The following YTHDC1 variants were observed in gnomAD, a reference collection of about 807,000 sequenced individuals.
YTHDC1 encodes the protein YTH N6-methyladenosine RNA binding protein C1.
YTHDC1 carries 12 observed loss-of-function variants against 107.0 expected under a neutral mutation model. The observed-to-expected ratio is 0.11, with a 90% CI of 0.07 to 0.18. The LOEUF is 0.18. YTHDC1 is among the 10% of genes least tolerant of loss of function. The probability of loss-of-function intolerance (pLI) is 1.00; values close to 1 mark genes in which losing one functional copy is unlikely to be tolerated. For synonymous variants in YTHDC1, 280 were observed against 289.5 expected (o/e 0.97, Z 0.33); for missense variants, 635 against 898.8 (o/e 0.71, Z 3.75).
In YTHDC1 at chr4:68,337,915, GT is replaced by G; in HGVS notation, c.131-16del. The stretch of plus-strand genomic sequence containing the variant: ...TCTTTTTGATCCTTTAAAATACAAT[GT>G]AAAAAAAAAAAAAAGAAGTATTTGT... On this transcript the variant is annotated splice_polypyrimidine_tract_variant and intron_variant, in intron 2 of 16. Transcript: ENST00000344157. The G allele has an allele frequency of 2.6e-6, 4 of 1,567,192 alleles. No individual in the cohort carries two copies. Among genetic ancestry groups the G allele is most frequent in the East Asian group, 2.3e-5 (1 of 43,988 alleles).
In YTHDC1 at chr4:68,338,272, C is replaced by T. The variant is rs1333613813; in HGVS notation, c.130+11G>A. On this transcript the variant is annotated intron_variant, in intron 2 of 16. Coordinates refer to ENST00000344157, the MANE Select transcript of YTHDC1 (RefSeq NM_001031732.4). Reference sequence around the variant, plus strand: ...TGTTATTTCAACAAAAATAATAGAACTCTTACATACCCTTTTTCTCATTTT... The same window carrying T: ...TGTTATTTCAACAAAAATAATAGAATTCTTACATACCCTTTTTCTCATTTT... 2.1e-5 allele frequency: 34 copies of T among 1,586,424 alleles called. No homozygotes were observed. The highest frequency in any genetic ancestry group is 5.7e-5 in the South Asian group (5 of 87,642).
intron 6 of YTHDC1, among the ~76,000 whole-genome samples, chr4:68,332,427 A>T (rs1239331564): frequency 6.6e-6 from 1 of 152,172 alleles, no homozygotes; most frequent in Non-Finnish European, 1.5e-5. Context: ...CGATATATCA[A>T]ATCCATATTT....
intron 12 of YTHDC1, among the ~76,000 whole-genome samples, chr4:68,319,707 C>T (rs1038119690): frequency 1.3e-5 from 2 of 152,044 alleles, no homozygotes; most frequent in African/African-American, 4.8e-5. Flanking sequence ...TTTCCCATTC[C>T]TCTCCAAAGA....
Position 68,349,907 on chromosome 4 carries a change from G to A in YTHDC1, c.-154C>T. 1 of 991,504 alleles carries A rather than the reference G, an allele frequency of 1.0e-6. No individual in the cohort carries two copies. Among genetic ancestry groups the A allele is most frequent in the Non-Finnish European group, 1.5e-6 (1 of 657,886 alleles). The allele number at this position is 991,504 out of a possible 1,614,324, so 61.4% of individuals were successfully genotyped here. On this transcript the variant is annotated 5_prime_UTR_variant, in exon 1 of 17. Coordinates refer to ENST00000344157, the MANE Select transcript of YTHDC1 (RefSeq NM_001031732.4). ...TGGCCTCTTAACACTCAGCCTTCTC[G>A]ACTCTTCCCGCTTTTTCCCTTTCTC...
chr4:68,328,520 G>GT lies in YTHDC1; in HGVS notation c.1349+1481dup, dbSNP rs1723229646. On this transcript the variant is annotated intron_variant, in intron 9 of 16. Transcript: ENST00000344157. ...CACTGCATTCCAATACCATAATTAT[G>GT]TATTTTTTCATTTGTTATACCTTTC... Among the ~76,000 whole-genome samples, 4 of 152,100 alleles carry GT rather than the reference G, an allele frequency of 2.6e-5. No homozygotes were observed. The South Asian group carries it at 8.3e-4, about 31-fold the overall frequency.
chr4:68,319,828 A>T (rs1290232971), intron 12 of YTHDC1, among the ~76,000 whole-genome samples: 1 of 152,170 alleles, frequency 6.6e-6, no homozygotes, highest in African/African-American at 2.4e-5. Context: ...ATTGCTTTTC[A>T]TAACTACTTT....
At position 68,350,006 on chromosome 4, in the gene YTHDC1, G is replaced by T. The variant is rs1397200770; in HGVS notation, c.-253C>A. 1.2e-5 allele frequency: 7 copies of T among 580,306 alleles called. No individual in the cohort carries two copies. In the East Asian group the frequency reaches 2.1e-4, roughly 17 times the overall value. 35.9% of individuals were successfully genotyped at this position (580,306 alleles called of 1,614,324 possible). A position where few individuals can be genotyped will look rare whatever the true frequency, so the allele number is the denominator to read the frequency against. On this transcript the variant is annotated 5_prime_UTR_variant, in exon 1 of 17. Coordinates refer to ENST00000344157, the MANE Select transcript of YTHDC1 (RefSeq NM_001031732.4). Reference sequence around the variant, plus strand: ...AGGGCTCAGACTCGGGCTAGGTATGGGGGAGGGAAGGGAAACAGATGGCGA... The same window carrying T: ...AGGGCTCAGACTCGGGCTAGGTATGTGGGAGGGAAGGGAAACAGATGGCGA...
At chr4:68,347,587 T>C (rs934327534) in intron 1 of YTHDC1, among the ~76,000 whole-genome samples, 4 of 152,342 alleles carry the variant, frequency 2.6e-5, no homozygotes, top group South Asian at 2.1e-4. Flanking sequence ...CTGTGATTAA[T>C]ATAATTGCCA....
At chr4:68,343,777 A>G (rs1341077247) in intron 1 of YTHDC1, among the ~76,000 whole-genome samples, 1 of 152,168 alleles carries the variant, frequency 6.6e-6, no homozygotes, top group Non-Finnish European at 1.5e-5. Context: ...ACCTCAGGTT[A>G]AAATCTATAA....
chr4:68,313,294 T>C lies in YTHDC1; in HGVS notation c.*805A>G, dbSNP rs530679184. 2.6e-5 allele frequency: 4 copies of C among 152,674 alleles called. No individual in the cohort carries two copies. Among genetic ancestry groups the C allele is most frequent in the South Asian group, 2.1e-4 (1 of 4,824 alleles). The allele number at this position is 152,674 out of a possible 1,614,324, so 9.5% of individuals were successfully genotyped here. A position where few individuals can be genotyped will look rare whatever the true frequency, so the allele number is the denominator to read the frequency against. On this transcript the variant is annotated 3_prime_UTR_variant, in exon 17 of 17. Transcript: ENST00000344157. ...ATTGCATAATAAAACAAACCTGCAA[T>C]TGGATAAGAAAAAGATACAAAAGAT... is the stretch of plus-strand genomic sequence containing the variant.
At chr4:68,320,526 T>C (rs2109687292) in intron 11 of YTHDC1, among the ~76,000 whole-genome samples, 1 of 152,164 alleles carries the variant, frequency 6.6e-6, no homozygotes, top group Non-Finnish European at 1.5e-5. Flanking sequence ...ATTCTCAAAC[T>C]AAATATCAGT....
intron 12 of YTHDC1, 152 bp downstream of exon 12, chr4:68,319,971 A>G (rs919783354): frequency 3.1e-6 from 2 of 647,816 alleles, no homozygotes; most frequent in Non-Finnish European, 5.2e-6. Flanking sequence ...AATTACACTA[A>G]TGAGAACTAC....
intron 4 of YTHDC1, among the ~76,000 whole-genome samples, chr4:68,335,110 TATCA>T (rs373909701): frequency 2.1e-3 from 316 of 152,282 alleles, no homozygotes; most frequent in African/African-American, 7.0e-3. Context: ...AATAAACTGT[TATCA>T]ATCAGTCTGT....
At chr4:68,348,167 T>C (rs11727878) in intron 1 of YTHDC1, among the ~76,000 whole-genome samples, 77,448 of 151,970 alleles carry the variant, frequency 0.51, 19,962 homozygotes, top group South Asian at 0.62. Flanking sequence ...TAAAATCATC[T>C]ACTTTTCTTC....
rs1464869010 is a variant in YTHDC1 at position 68,337,361 on chromosome 4, A to G, written c.549T>C (p.His183=). 2.5e-6 allele frequency: 4 copies of G among 1,614,078 alleles called. No homozygotes were observed. The South Asian group carries it at 4.4e-5, about 18-fold the overall frequency. The change falls in exon 4 of 17, where the codon CAT becomes CAC. Residue 183 remains histidine (H), a synonymous_variant. Transcript: ENST00000344157. ...CAGAAGAACCACTGCTGCCAGTCTCATGGTCAGAGCCATATTCTTCAGAGT... is the reference window on the plus strand; with the variant it reads ...CAGAAGAACCACTGCTGCCAGTCTCGTGGTCAGAGCCATATTCTTCAGAGT... ...EVNSEEYGSD[H]ETGSSGSSDE... is the part of the protein sequence containing the mutation.
intron 8 of YTHDC1, 38 bp downstream of exon 8, chr4:68,330,160 ATAAT>A (rs1723422649): frequency 1.3e-6 from 2 of 1,576,696 alleles, no homozygotes; most frequent in African/African-American, 1.4e-5. Context: ...AGATGCTAAT[ATAAT>A]TAATGTTTTT....
rs1477431545 is a variant in YTHDC1, at chr4:68,337,852, T to C, written c.179A>G (p.Gln60Arg). 2.5e-6 allele frequency: 4 copies of C among 1,613,938 alleles called. No homozygotes were observed. In the South Asian group the frequency reaches 4.4e-5, roughly 18 times the overall value. ...TTGTCTAGAATGGACAGAAGGCTTTTGTCGTTTGGTATCAGTAGATTCCAT... is the reference window on the plus strand; with the variant it reads ...TTGTCTAGAATGGACAGAAGGCTTTCGTCGTTTGGTATCAGTAGATTCCAT... ...DRMESTDTKR[Q>R]KPSVHSRQLV... Residue 60 changes from glutamine (Q) to arginine (R), a missense_variant, in exon 3 of 17, where the codon CAA becomes CGA. Transcript: ENST00000344157.
At chr4:68,320,812 T>C (rs951285488) in intron 11 of YTHDC1, among the ~76,000 whole-genome samples, 4 of 152,134 alleles carry the variant, frequency 2.6e-5, no homozygotes, top group Non-Finnish European at 5.9e-5. Flanking sequence ...AAAAAACTAT[T>C]TCTTAATAAT....
At chr4:68,349,532 T>A (rs559692380) in intron 1 of YTHDC1, among the ~76,000 whole-genome samples, 194 bp downstream of exon 1, 35 of 151,084 alleles carry the variant, frequency 2.3e-4, no homozygotes, top group Middle Eastern at 3.4e-3. Flanking sequence ...TGCTAGGCCA[T>A]ATGGAGACTG....
Sources: allele counts gnomAD v4.1 joint callset (sites outside exome capture counted in the v4.1 genomes callset), GRCh38; gene constraint gnomAD v4.1.1; transcripts MANE v1.5; gene names NCBI Gene and HGNC (gene_info 2026-07-23, HGNC 2026-07-21).